The following CNTNAP2 variants were observed in gnomAD, a reference collection of about 807,000 sequenced individuals.
CNTNAP2 encodes contactin-associated protein-like 2.
In CNTNAP2, 98 loss-of-function variants were observed where a neutral mutation model predicts 155.2. The observed-to-expected ratio is 0.63, with a 90% CI of 0.54 to 0.75. CNTNAP2 has a LOEUF of 0.75. Among genes scored for constraint, CNTNAP2 ranks in the 30% least tolerant of loss-of-function variants. The pLI is 0.00. For synonymous variants in CNTNAP2, 651 were observed against 631.2 expected (o/e 1.03, Z -0.47); for missense variants, 1,727 against 1,688.1 (o/e 1.02, Z -0.40).
At position 147,571,543 on chromosome 7, in the gene CNTNAP2, T is replaced by A. The variant is rs141027802; in HGVS notation, c.1897+9286T>A. ...AATTTTTCAATGTAAAGTCTTAAAC[T>A]GAATCTAACAAAATCTTGTTTGAAT... is the stretch of plus-strand genomic sequence containing the variant. On this transcript the variant is annotated intron_variant, in intron 12 of 23. Coordinates refer to ENST00000361727, the MANE Select transcript of CNTNAP2 (RefSeq NM_014141.6). Among the ~76,000 whole-genome samples, 519 of 152,212 alleles carry A rather than the reference T, an allele frequency of 3.4e-3. 3 individuals are homozygous for A. The highest frequency in any genetic ancestry group is 9.1e-3 in the African/African-American group (378 of 41,526).
chr7:147,259,629 G>A (rs1419300753), intron 8 of CNTNAP2, among the ~76,000 whole-genome samples: 1 of 152,200 alleles, frequency 6.6e-6, no homozygotes, highest in Non-Finnish European at 1.5e-5. Flanking sequence ...ATACAAAGCA[G>A]TGTTTATATC....
At chr7:146,753,521 A>G (rs10252693) in intron 1 of CNTNAP2, among the ~76,000 whole-genome samples, 7,070 of 152,144 alleles carry the variant, frequency 0.046, 543 homozygotes, top group African/African-American at 0.16. Context: ...ACTGTTATAC[A>G]GAAATATTGG....
chr7:147,736,242 G>C (rs7804249), intron 13 of CNTNAP2, among the ~76,000 whole-genome samples: 1 of 151,226 alleles, frequency 6.6e-6, no homozygotes, highest in Non-Finnish European at 1.5e-5. Flanking sequence ...CTCAGCATTT[G>C]CTTGTCTATA....
intron 15 of CNTNAP2, among the ~76,000 whole-genome samples, chr7:148,029,199 T>G (rs961519): frequency 0.74 from 111,741 of 152,012 alleles, 41,664 homozygotes; most frequent in East Asian, 0.86. Flanking sequence ...ATTCTAGTCA[T>G]GTAACAGTGA....
intron 10 of CNTNAP2, among the ~76,000 whole-genome samples, chr7:147,462,526 T>G (rs902146712): frequency 1.3e-5 from 2 of 152,192 alleles, no homozygotes; most frequent in Non-Finnish European, 2.9e-5. Flanking sequence ...TGTTCTCAAA[T>G]GGAGCCCTAA....
intron 1 of CNTNAP2, among the ~76,000 whole-genome samples, chr7:146,495,579 C>A (rs548588394): frequency 7.6e-6 from 1 of 131,082 alleles, no homozygotes; most frequent in African/African-American, 3.0e-5. Context: ...TTTTTGCCTT[C>A]GTAAAGCACT....
chr7:146,540,743 G>A (rs1346969909), intron 1 of CNTNAP2, among the ~76,000 whole-genome samples: 2 of 151,896 alleles, frequency 1.3e-5, no homozygotes, highest in Non-Finnish European at 2.9e-5. Flanking sequence ...GCTCTTTGAG[G>A]GCTAGTGCCA....
chr7:147,264,805 T>C (rs1299240475), intron 8 of CNTNAP2, among the ~76,000 whole-genome samples: 1 of 151,992 alleles, frequency 6.6e-6, no homozygotes. Flanking sequence ...GTTAACAGTG[T>C]TCCCCTGCTT....
intron 13 of CNTNAP2, among the ~76,000 whole-genome samples, chr7:147,670,475 T>C (rs115587108): frequency 0.018 from 2,713 of 152,246 alleles, 51 homozygotes; most frequent in African/African-American, 0.049. Flanking sequence ...TCCAAAACCA[T>C]GTGTGGCCCT....
intron 2 of CNTNAP2, among the ~76,000 whole-genome samples, chr7:146,829,575 T>A (rs1286492790): frequency 1.3e-5 from 2 of 152,076 alleles, no homozygotes; most frequent in Admixed American, 1.3e-4. Flanking sequence ...ATTTTTTTTT[T>A]ACTTAATTGA....
chr7:147,257,017 G>A (rs1804345974), intron 8 of CNTNAP2, among the ~76,000 whole-genome samples: 1 of 152,026 alleles, frequency 6.6e-6, no homozygotes, highest in Non-Finnish European at 1.5e-5. Context: ...GAAACACGTG[G>A]ACTAAGTGAG....
At chr7:147,571,242 G>C (rs1196972777) in intron 12 of CNTNAP2, among the ~76,000 whole-genome samples, 1 of 148,306 alleles carries the variant, frequency 6.7e-6, no homozygotes, top group East Asian at 2.1e-4. Flanking sequence ...TTAGCATTAG[G>C]TATATCTCCT....
intron 1 of CNTNAP2, among the ~76,000 whole-genome samples, chr7:146,730,898 T>G (rs1801513864): frequency 6.6e-6 from 1 of 152,166 alleles, no homozygotes; most frequent in Non-Finnish European, 1.5e-5. Context: ...TCTTTTTATT[T>G]TATATGAATG....
intron 1 of CNTNAP2, among the ~76,000 whole-genome samples, chr7:146,139,471 G>C (rs1457067307): frequency 2.0e-5 from 3 of 151,900 alleles, no homozygotes; most frequent in East Asian, 1.9e-4. Flanking sequence ...AATTTAAAAG[G>C]GTTTCTAAAA....
intron 22 of CNTNAP2, among the ~76,000 whole-genome samples, chr7:148,390,700 A>G (rs554657924): frequency 2.0e-5 from 3 of 152,246 alleles, no homozygotes; most frequent in Non-Finnish European, 4.4e-5. Context: ...GTCTGAGATC[A>G]TAGTAAATGA....
At chr7:147,537,851 A>G (rs1455088267) in intron 11 of CNTNAP2, among the ~76,000 whole-genome samples, 1 of 152,206 alleles carries the variant, frequency 6.6e-6, no homozygotes, top group African/African-American at 2.4e-5. Context: ...TGCTGACAAA[A>G]AGGGCTATTT....
intron 12 of CNTNAP2, among the ~76,000 whole-genome samples, chr7:147,600,933 T>A (rs1800931283): frequency 6.6e-6 from 1 of 152,208 alleles, no homozygotes; most frequent in African/African-American, 2.4e-5. Flanking sequence ...TTCTCTTATT[T>A]AGAGGTAGAA....
rs565471916 is a variant in CNTNAP2 at position 148,256,176 on chromosome 7, G to A, written c.3382-10857G>A. 2.2e-4 allele frequency among the ~76,000 whole-genome samples: 34 copies of A among 152,166 alleles called. 1 individual carries two copies. The South Asian group carries it at 6.4e-3, about 29-fold the overall frequency. ...AGAATGATGCCTTTCCAGGGCAGGT[G>A]GACGCTTCCTCCCACCCTCCATCCA... On this transcript the variant is annotated intron_variant, in intron 20 of 23. Coordinates refer to ENST00000361727, the MANE Select transcript of CNTNAP2 (RefSeq NM_014141.6).
At chr7:148,048,935 G>A (rs192196122) in intron 15 of CNTNAP2, among the ~76,000 whole-genome samples, 13 of 152,218 alleles carry the variant, frequency 8.5e-5, no homozygotes, top group Admixed American at 8.5e-4. Flanking sequence ...GGCTAGGCCG[G>A]GCGTGGTGGC....
Sources: gnomAD v4.1 joint callset for allele counts (sites outside exome capture counted in the v4.1 genomes callset) on GRCh38, gnomAD v4.1.1 for gene constraint, MANE v1.5 for transcripts, NCBI Gene and HGNC (gene_info 2026-07-23, HGNC 2026-07-21) for gene names.